The following POGZ variants were observed in gnomAD, a reference collection of about 807,000 sequenced individuals.
POGZ encodes the protein pogo transposable element derived with ZNF domain.
In POGZ, 17 loss-of-function variants were observed where a neutral mutation model predicts 134.6. The ratio of observed to expected loss-of-function variants is 0.13; its 90% CI spans 0.09 to 0.19. The LOEUF (loss-of-function observed/expected upper bound fraction) is 0.19. Among genes scored for constraint, POGZ ranks in the 10% least tolerant of loss-of-function variants. The pLI is 1.00. For missense variants in POGZ, 1,306 were observed against 1,769.7 expected (o/e 0.74, Z 4.70); for synonymous variants, 693 against 657.1 (o/e 1.05, Z -0.84).
intron 3 of POGZ, among the ~76,000 whole-genome samples, chr1:151,438,319 T>A (rs1403688790): frequency 1.3e-5 from 2 of 152,252 alleles, no homozygotes; most frequent in African/African-American, 4.8e-5. Context: ...CAACTGCAAT[T>A]AATTTATGCT....
chr1:151,427,301 T>C (rs1053484911), intron 7 of POGZ: 7 of 153,940 alleles, frequency 4.5e-5, no homozygotes, highest in Non-Finnish European at 7.2e-5. Flanking sequence ...ATAAATAGTT[T>C]TTAGTGGAGC....
chr1:151,403,233 G>A lies in POGZ; in HGVS notation c.*1569C>T. 1.0e-6 allele frequency: 1 copy of A among 985,750 alleles called. No individual in the cohort carries two copies. Among genetic ancestry groups the A allele is most frequent in the Non-Finnish European group, 1.2e-6 (1 of 829,916 alleles). The allele number at this position is 985,750 out of a possible 1,614,324, so 61.1% of individuals were successfully genotyped here. A position where few individuals can be genotyped will look rare whatever the true frequency, so the allele number is the denominator to read the frequency against. On this transcript the variant is annotated 3_prime_UTR_variant, in exon 19 of 19. Coordinates refer to ENST00000271715, the MANE Select transcript of POGZ (RefSeq NM_015100.4). Reference sequence around the variant, plus strand: ...ACAAACAAACAAAAAAGCAGGGTGGGGTGGGAGAAATGGGTGGTAACAAAT... The same window carrying A: ...ACAAACAAACAAAAAAGCAGGGTGGAGTGGGAGAAATGGGTGGTAACAAAT...
intron 1 of POGZ, among the ~76,000 whole-genome samples, chr1:151,447,681 G>A (rs1369004384): frequency 6.9e-6 from 1 of 145,196 alleles, no homozygotes; most frequent in Non-Finnish European, 1.5e-5. Flanking sequence ...GTAGAGAGGG[G>A]GTCTTACCAT....
At chr1:151,441,498 G>A (rs1660518017) in intron 2 of POGZ, among the ~76,000 whole-genome samples, 1 of 152,136 alleles carries the variant, frequency 6.6e-6, no homozygotes, top group Admixed American at 6.5e-5. Flanking sequence ...AGACAGGAAA[G>A]ATAAAAATAT....
Position 151,429,637 on chromosome 1 carries a change from T to C in POGZ, c.534A>G (p.Gln178=). 1 of 1,611,260 alleles carries C rather than the reference T, an allele frequency of 6.2e-7. No homozygotes were observed. The highest frequency in any genetic ancestry group is 8.5e-7 in the Non-Finnish European group (1 of 1,177,362). The change falls in exon 5 of 19, where the codon CAA becomes CAG. Residue 178 remains glutamine (Q), a synonymous_variant. Transcript: ENST00000271715. ...GTGTAATTGGTCTAACCGTTTGGCC[T>C]TGCTGTACGTTCAGCACAATCCCAA... ...NQVGIVLNVQ[Q]GQTVRPITLV...
chr1:151,410,122 T>C (rs1218378790), intron 12 of POGZ, among the ~76,000 whole-genome samples: 1 of 152,230 alleles, frequency 6.6e-6, no homozygotes, highest in Non-Finnish European at 1.5e-5. Flanking sequence ...ATATACTATA[T>C]ACCTTTCACT....
chr1:151,404,354 G>C lies in POGZ; in HGVS notation c.*448C>G. ...TCAGAAATGTTCTCACATTAACAAT[G>C]ATTAGATAGCATCATGCCCAAAGAC... On this transcript the variant is annotated 3_prime_UTR_variant, in exon 19 of 19. Transcript: ENST00000271715. 1 of 985,820 alleles carries C rather than the reference G, an allele frequency of 1.0e-6. No individual in the cohort carries two copies. The highest frequency in any genetic ancestry group is 1.2e-6 in the Non-Finnish European group (1 of 829,560). The allele number at this position is 985,820 out of a possible 1,614,324, so 61.1% of individuals were successfully genotyped here. A position where few individuals can be genotyped will look rare whatever the true frequency, so the allele number is the denominator to read the frequency against.
In POGZ at chr1:151,423,563, C is replaced by T; in HGVS notation, c.1524-12G>A. 6.3e-7 allele frequency: 1 copy of T among 1,590,732 alleles called. No homozygotes were observed. The highest frequency in any genetic ancestry group is 8.6e-7 in the Non-Finnish European group (1 of 1,166,802). On this transcript the variant is annotated splice_polypyrimidine_tract_variant and intron_variant, in intron 9 of 18. Transcript: ENST00000271715. ...TATGGTTCATGAATCTGTAATAAAG[C>T]ACAAAGAGAAAGTACAGAAAACATA...
intron 3 of POGZ, among the ~76,000 whole-genome samples, chr1:151,436,335 C>T (rs1659583637): frequency 6.6e-6 from 1 of 152,190 alleles, no homozygotes; most frequent in Admixed American, 6.5e-5. Context: ...TTTCTCTTCC[C>T]AGCCCCTGGC....
chr1:151,424,968 C>T lies in POGZ; in HGVS notation c.1172G>A (p.Arg391Lys), dbSNP rs1199483198. 1 of 1,581,004 alleles carries T rather than the reference C, an allele frequency of 6.3e-7. No homozygotes were observed. The highest frequency in any genetic ancestry group is 8.7e-7 in the Non-Finnish European group (1 of 1,154,834). ...NAQFRVTEAL[R>K]GHMCYCCPEM... ...GATATCACTTACACACATGTGACCTCTCAAAGCTTCAGTAACACGAAATTG... is the reference window on the plus strand; with the variant it reads ...GATATCACTTACACACATGTGACCTTTCAAAGCTTCAGTAACACGAAATTG... The change falls in exon 8 of 19, where the codon AGA becomes AAA. Residue 391 changes from arginine to lysine, a missense_variant. By Grantham distance (26) the Arg-to-Lys change is conservative. This residue lies in a region of POGZ where 541 missense variants were observed against 680.5 expected (regional missense o/e 0.80). Coordinates refer to ENST00000271715, the MANE Select transcript of POGZ (RefSeq NM_015100.4).
intron 1 of POGZ, among the ~76,000 whole-genome samples, chr1:151,454,763 T>C (rs1000934694): frequency 2.0e-5 from 3 of 152,232 alleles, no homozygotes; most frequent in African/African-American, 7.2e-5. Flanking sequence ...TGCTAACACC[T>C]AGCAATAGGT....
chr1:151,435,252 G>C (rs1303382007), intron 3 of POGZ, among the ~76,000 whole-genome samples: 1 of 152,034 alleles, frequency 6.6e-6, no homozygotes, highest in Non-Finnish European at 1.5e-5. Context: ...CAGAAATAGA[G>C]GGCTAAATAC....
chr1:151,408,266 C>G (rs1443776881), intron 14 of POGZ, 26 bp from the exon 15 acceptor site: 1 of 1,602,336 alleles, frequency 6.2e-7, no homozygotes, highest in Non-Finnish European at 8.5e-7. Context: ...AAAAAGAATT[C>G]TCATTACTGC....
In POGZ at chr1:151,423,500, C is replaced by T. The variant is rs1657284526; in HGVS notation, c.1575G>A (p.Glu525=). ...GCTGGCAGATAGTGTGACCATCTAC[C>T]TCACCGTTCTGCTGATCGAGTTCTA... ...HHVELDQQNG[E]VDGHTICQHC... The change falls in exon 10 of 19, where the codon GAG becomes GAA. Residue 525 remains glutamate, a synonymous_variant. Transcript: ENST00000271715. 6 of 1,613,794 alleles carry T rather than the reference C, an allele frequency of 3.7e-6. No individual in the cohort carries two copies. The highest frequency in any genetic ancestry group is 5.1e-6 in the Non-Finnish European group (6 of 1,179,678).
In POGZ at chr1:151,447,589, G is replaced by C. The variant is rs529275368; in HGVS notation, c.-1-5384C>G. On this transcript the variant is annotated intron_variant, in intron 1 of 18. Transcript: ENST00000271715. ...ACCTCAACCTCTTGAGTAACTCTTG[G>C]GACAAAGAGCTAACTAACTCTTGGG... is the stretch of plus-strand genomic sequence containing the variant. 2.8e-4 allele frequency among the ~76,000 whole-genome samples: 42 copies of C among 150,572 alleles called. No homozygotes were observed. The East Asian group carries it at 6.3e-3, about 23-fold the overall frequency.
At chr1:151,456,386 T>C (rs530580570) in intron 1 of POGZ, among the ~76,000 whole-genome samples, 39 of 152,308 alleles carry the variant, frequency 2.6e-4, no homozygotes, top group Non-Finnish European at 4.4e-4. Context: ...TGGTAATAAA[T>C]ACTGTCAGTT....
chr1:151,423,662 A>AAACAG, intron 9 of POGZ, 111 bp from the exon 10 acceptor site: 2 of 846,214 alleles, frequency 2.4e-6, no homozygotes, highest in Non-Finnish European at 3.6e-6. Context: ...TCCATTCCCC[A>AAACAG]GACTTCCTGT....
chr1:151,451,496 T>C (rs548590576), intron 1 of POGZ, among the ~76,000 whole-genome samples: 12 of 151,764 alleles, frequency 7.9e-5, no homozygotes, highest in East Asian at 5.9e-4. Flanking sequence ...CTGGCTCATT[T>C]TGTACTTTTA....
In POGZ at chr1:151,403,502, C is replaced by T. The variant is rs1195971254; in HGVS notation, c.*1300G>A. 2 of 985,634 alleles carry T rather than the reference C, an allele frequency of 2.0e-6. No homozygotes were observed. Among genetic ancestry groups the T allele is most frequent in the East Asian group, 1.1e-4 (1 of 8,830 alleles). 61.1% of individuals were successfully genotyped at this position (985,634 alleles called of 1,614,324 possible). On this transcript the variant is annotated 3_prime_UTR_variant, in exon 19 of 19. Transcript: ENST00000271715. Reference sequence around the variant, plus strand: ...GATAAACAGAAGACTTGGTTTTTTGCTCCTTTTCTCTGTACGGTACAGTAC... The same window carrying T: ...GATAAACAGAAGACTTGGTTTTTTGTTCCTTTTCTCTGTACGGTACAGTAC...
Sources: gnomAD v4.1 joint callset for allele counts (sites outside exome capture counted in the v4.1 genomes callset) on GRCh38, gnomAD v4.1.1 for gene constraint, gnomAD v4.1.1 regional missense constraint, MANE v1.5 for transcripts, NCBI Gene and HGNC (gene_info 2026-07-23, HGNC 2026-07-21) for gene names.